Variants in DCLK2 observed in about 807,000 individuals in gnomAD.
DCLK2 encodes serine/threonine-protein kinase DCLK2.
A neutral mutation model predicts 78.4 loss-of-function variants in DCLK2; 31 were observed. That is an observed-to-expected ratio of 0.40 (90% CI 0.30 to 0.53). The LOEUF is 0.53. Among genes scored for constraint, DCLK2 ranks in the 20% least tolerant of loss-of-function variants. DCLK2 has a pLI of 0.61. For synonymous variants in DCLK2, 407 were observed against 374.9 expected, an observed-to-expected ratio of 1.09 and a Z score of -0.99; for missense variants, 872 against 973.7, an observed-to-expected ratio of 0.90 and a Z score of 1.39.
intron 4 of DCLK2, among the ~76,000 whole-genome samples, chr4:150,200,358 A>T (rs1411118494): frequency 6.6e-6 from 1 of 152,196 alleles, no homozygotes; most frequent in Non-Finnish European, 1.5e-5. Flanking sequence ...TAGAGAGAAA[A>T]TGATCTTTTT....
intron 5 of DCLK2, among the ~76,000 whole-genome samples, chr4:150,211,651 T>G (rs1417878679): frequency 6.6e-6 from 1 of 152,156 alleles, no homozygotes; most frequent in Non-Finnish European, 1.5e-5. Context: ...CCCATCAATT[T>G]TATTGCTTTG....
chr4:150,085,181 C>T (rs1486374846), intron 1 of DCLK2, among the ~76,000 whole-genome samples: 6 of 152,236 alleles, frequency 3.9e-5, no homozygotes, highest in Non-Finnish European at 4.4e-5. Context: ...GTGTTCTTAA[C>T]TACTACATTC....
At chr4:150,243,976 C>G (rs541404386) in intron 12 of DCLK2, among the ~76,000 whole-genome samples, 1 of 151,244 alleles carries the variant, frequency 6.6e-6, no homozygotes, top group African/African-American at 2.4e-5. Flanking sequence ...TCTCTGTTGA[C>G]CAGGCTGGAG....
At chr4:150,081,857 G>C (rs536254607) in intron 1 of DCLK2, among the ~76,000 whole-genome samples, 1 of 151,100 alleles carries the variant, frequency 6.6e-6, no homozygotes, top group African/African-American at 2.4e-5. Context: ...AATTAGCCGG[G>C]TGTGGCGGCA....
intron 1 of DCLK2, among the ~76,000 whole-genome samples, chr4:150,099,573 G>A (rs1730720323): frequency 6.6e-6 from 1 of 152,146 alleles, no homozygotes; most frequent in African/African-American, 2.4e-5. Context: ...ATACTTTAGG[G>A]GTTTGTGTGG....
chr4:150,186,848 G>A (rs909324375), intron 2 of DCLK2, among the ~76,000 whole-genome samples: 8 of 151,884 alleles, frequency 5.3e-5, no homozygotes, highest in African/African-American at 1.2e-4. Flanking sequence ...AGCTGTGATC[G>A]TGCCACTGCA....
At chr4:150,189,744 G>T (rs1738250650) in intron 2 of DCLK2, among the ~76,000 whole-genome samples, 1 of 151,936 alleles carries the variant, frequency 6.6e-6, no homozygotes, top group Non-Finnish European at 1.5e-5. Context: ...AAGTTACTCT[G>T]GTCTGAGAAC....
intron 2 of DCLK2, among the ~76,000 whole-genome samples, chr4:150,131,087 A>G (rs1176070665): frequency 1.3e-5 from 2 of 152,094 alleles, no homozygotes; most frequent in Admixed American, 6.5e-5. Context: ...CAGTGGTGTG[A>G]TCATAGCTCA....
At chr4:150,169,395 A>G (rs1580637650) in intron 2 of DCLK2, among the ~76,000 whole-genome samples, 1 of 152,228 alleles carries the variant, frequency 6.6e-6, no homozygotes, top group South Asian at 2.1e-4. Context: ...GCAGTGGCTC[A>G]CGCCTGTAAT....
intron 11 of DCLK2, 123 bp from the exon 12 acceptor site, chr4:150,240,276 A>G: frequency 1.2e-6 from 1 of 820,730 alleles, no homozygotes; most frequent in Non-Finnish European, 1.9e-6. Flanking sequence ...TCTATGTGAA[A>G]TGAAATGAAT....
chr4:150,220,503 C>G (rs1284317179), intron 5 of DCLK2, among the ~76,000 whole-genome samples, 200 bp from the exon 6 acceptor site: 2 of 152,100 alleles, frequency 1.3e-5, no homozygotes, highest in Non-Finnish European at 2.9e-5. Flanking sequence ...TTTCTTATGT[C>G]TAATCTGAAT....
chr4:150,201,740 A>G (rs1212200089), intron 4 of DCLK2, among the ~76,000 whole-genome samples: 8 of 152,124 alleles, frequency 5.3e-5, no homozygotes, highest in Admixed American at 2.0e-4. Context: ...AGTGAACTCT[A>G]ACAGTGCTTA....
intron 5 of DCLK2, among the ~76,000 whole-genome samples, chr4:150,204,188 A>G (rs1359377047): frequency 6.6e-6 from 1 of 152,200 alleles, no homozygotes; most frequent in Non-Finnish European, 1.5e-5. Flanking sequence ...TCCAATTATT[A>G]TCAAAATGAT....
chr4:150,121,630 C>A (rs1405526450), intron 2 of DCLK2, among the ~76,000 whole-genome samples: 1 of 152,214 alleles, frequency 6.6e-6, no homozygotes, highest in East Asian at 1.9e-4. Flanking sequence ...ATGTTGTTGA[C>A]CTCTTCCCAT....
At chr4:150,127,057 A>T (rs1732967448) in intron 2 of DCLK2, among the ~76,000 whole-genome samples, 1 of 152,182 alleles carries the variant, frequency 6.6e-6, no homozygotes, top group Non-Finnish European at 1.5e-5. Context: ...TAAGGAAGTT[A>T]TATTGTGCCT....
At chr4:150,206,073 A>G (rs1001125328) in intron 5 of DCLK2, among the ~76,000 whole-genome samples, 3 of 152,130 alleles carry the variant, frequency 2.0e-5, no homozygotes, top group Non-Finnish European at 4.4e-5. Context: ...TGTTTTTGCC[A>G]CTAGGCCAGT....
intron 5 of DCLK2, among the ~76,000 whole-genome samples, chr4:150,218,006 G>T (rs945581367): frequency 3.3e-5 from 5 of 152,138 alleles, no homozygotes; most frequent in African/African-American, 1.2e-4. Flanking sequence ...CTTGAAAGTG[G>T]CCCTTCGCTT....
intron 5 of DCLK2, among the ~76,000 whole-genome samples, chr4:150,209,345 G>T (rs1740119318): frequency 6.6e-6 from 1 of 152,192 alleles, no homozygotes; most frequent in African/African-American, 2.4e-5. Context: ...GTGGCCCCAG[G>T]CTGCCTCCCA....
At chr4:150,153,581 T>A (rs890765085) in intron 2 of DCLK2, among the ~76,000 whole-genome samples, 1 of 151,780 alleles carries the variant, frequency 6.6e-6, no homozygotes, top group Non-Finnish European at 1.5e-5. Flanking sequence ...GGCTAATTTT[T>A]AAATAATTTT....
Sources: gnomAD v4.1 joint callset for allele counts (sites outside exome capture counted in the v4.1 genomes callset) on GRCh38, gnomAD v4.1.1 for gene constraint, MANE v1.5 for transcripts, NCBI Gene and HGNC (gene_info 2026-07-23, HGNC 2026-07-21) for gene names.